Variants in SOCS5 observed in about 807,000 individuals in gnomAD.
The protein encoded by SOCS5 is CIS-6.
In SOCS5, 32 loss-of-function variants were observed where a neutral mutation model predicts 42.8. The observed-to-expected ratio is 0.75, with a 90% CI of 0.56 to 1.01. SOCS5 has a LOEUF of 1.01. Among genes scored for constraint, SOCS5 ranks in the 50% least tolerant of loss-of-function variants. The pLI, the probability that SOCS5 is intolerant of heterozygous loss-of-function variation, is 0.00. For synonymous variants in SOCS5, 283 were observed against 229.6 expected, an observed-to-expected ratio of 1.23 and a Z score of -2.10; for missense variants, 627 against 653.0, an observed-to-expected ratio of 0.96 and a Z score of 0.43.
intron 1 of SOCS5, among the ~76,000 whole-genome samples, chr2:46,712,404 C>T (rs1267081384): frequency 8.6e-5 from 11 of 128,388 alleles, no homozygotes; most frequent in South Asian, 2.6e-4. Flanking sequence ...AGTGCAGTGG[C>T]GCTATCTTGG....
chr2:46,746,160 A>G (rs1172967846), intron 1 of SOCS5, among the ~76,000 whole-genome samples: 2 of 152,114 alleles, frequency 1.3e-5, no homozygotes, highest in Non-Finnish European at 2.9e-5. Context: ...TGATTCATCC[A>G]TGCAAATGAT....
At chr2:46,749,633 G>A (rs1673581517) in intron 1 of SOCS5, among the ~76,000 whole-genome samples, 1 of 152,094 alleles carries the variant, frequency 6.6e-6, no homozygotes. Flanking sequence ...TTAAATTGTG[G>A]TAGTGTTTTA....
At chr2:46,752,539 G>A (rs1457739297) in intron 1 of SOCS5, among the ~76,000 whole-genome samples, 5 of 151,762 alleles carry the variant, frequency 3.3e-5, no homozygotes, top group Non-Finnish European at 5.9e-5. Flanking sequence ...ATATTTGGGG[G>A]TTTGCTTGTT....
chr2:46,716,791 C>T (rs2103705960), intron 1 of SOCS5, among the ~76,000 whole-genome samples: 1 of 152,282 alleles, frequency 6.6e-6, no homozygotes. Context: ...TATGAATCAA[C>T]TTGAACTTTC....
chr2:46,712,695 T>G (rs1672654335), intron 1 of SOCS5, among the ~76,000 whole-genome samples: 1 of 152,242 alleles, frequency 6.6e-6, no homozygotes. Context: ...TATGTGGTAT[T>G]TCTTCTTTAT....
At chr2:46,703,481 A>G (rs1232366419) in intron 1 of SOCS5, among the ~76,000 whole-genome samples, 3 of 152,174 alleles carry the variant, frequency 2.0e-5, no homozygotes, top group Non-Finnish European at 4.4e-5. Context: ...TATTGCATTC[A>G]TGACATACTT....
At chr2:46,741,671 C>T (rs1045045595) in intron 1 of SOCS5, among the ~76,000 whole-genome samples, 25 of 151,978 alleles carry the variant, frequency 1.6e-4, no homozygotes, top group African/African-American at 6.0e-4. Flanking sequence ...ATTTTATAAC[C>T]ATTTTTATTT....
chr2:46,738,296 T>C (rs1305534015), intron 1 of SOCS5, among the ~76,000 whole-genome samples: 1 of 151,954 alleles, frequency 6.6e-6, no homozygotes, highest in Non-Finnish European at 1.5e-5. Flanking sequence ...AATCTAGGAA[T>C]GAGACAAAAA....
upstream of SOCS5, chr2:46,699,011 C>G (rs1173882104): frequency 6.6e-6 from 1 of 152,490 alleles, no homozygotes; most frequent in Non-Finnish European, 1.5e-5. The surrounding 1 kb of genome is among the most constrained non-coding windows in gnomAD (Gnocchi z 4.8). Flanking sequence ...GGGCCGCCCC[C>G]GTCTCGCGCC....
At position 46,758,539 on chromosome 2, in the gene SOCS5, A is replaced by G; in HGVS notation, c.9A>G (p.Lys3=). MD[K]VGKMWNNFKY... ...TTTAGATTTTATAATCAATGGATAAAGTGGGAAAAATGTGGAATAACTTCA... is the reference window on the plus strand; with the variant it reads ...TTTAGATTTTATAATCAATGGATAAGGTGGGAAAAATGTGGAATAACTTCA... Residue 3 remains lysine (K), a synonymous_variant, in exon 2 of 2, where the codon AAA becomes AAG. Coordinates refer to ENST00000394861, the MANE Select transcript of SOCS5 (RefSeq NM_144949.3). 6.3e-7 allele frequency: 1 copy of G among 1,585,358 alleles called. No individual in the cohort carries two copies. Among genetic ancestry groups the G allele is most frequent in the South Asian group, 1.2e-5 (1 of 85,592 alleles).
rs553593947 is a variant in SOCS5 at position 46,748,328 on chromosome 2, G to A, written c.-12-10191G>A. On this transcript the variant is annotated intron_variant, in intron 1 of 1. Coordinates refer to ENST00000394861, the MANE Select transcript of SOCS5 (RefSeq NM_144949.3). ...AGCCTCATGAGTCGCTGGGACCACA[G>A]ATGCATGCCACTTGGCCTGGCTAAT... Among the ~76,000 whole-genome samples, 6 of 151,934 alleles carry A rather than the reference G, an allele frequency of 3.9e-5. No homozygotes were observed. In the South Asian group the frequency reaches 1.0e-3, roughly 26 times the overall value.
intron 1 of SOCS5, among the ~76,000 whole-genome samples, chr2:46,745,368 G>C (rs1327612171): frequency 6.6e-6 from 1 of 152,096 alleles, no homozygotes; most frequent in East Asian, 1.9e-4. Context: ...GCATTTCTTT[G>C]ATTACATATT....
At chr2:46,732,757 C>G (rs907929513) in intron 1 of SOCS5, among the ~76,000 whole-genome samples, 1 of 152,072 alleles carries the variant, frequency 6.6e-6, no homozygotes, top group East Asian at 1.9e-4. Context: ...TAGGCTTGAC[C>G]CCTTTGAGAA....
Position 46,759,816 on chromosome 2 carries a change from G to A in SOCS5, c.1286G>A (p.Arg429Gln). 1.9e-6 allele frequency: 3 copies of A among 1,614,116 alleles called. No homozygotes were observed. The highest frequency in any genetic ancestry group is 2.5e-6 in the Non-Finnish European group (3 of 1,180,024). The change falls in exon 2 of 2, where the codon CGA (arginine) becomes CAA (glutamine). Residue 429 changes from arginine (R) to glutamine (Q), a missense_variant. Around this residue, in one of 3 missense-constraint regions of SOCS5, gnomAD observed 340 missense variants for 367.6 expected, o/e 0.92. Coordinates refer to ENST00000394861, the MANE Select transcript of SOCS5 (RefSeq NM_144949.3). The part of the protein sequence containing the change: ...FRRYNRSLHA[R>Q]IEQWNHNFSF... ...CGCTACAACAGATCCCTGCATGCCCGAATTGAGCAGTGGAATCACAACTTT... is the reference window on the plus strand; with the variant it reads ...CGCTACAACAGATCCCTGCATGCCCAAATTGAGCAGTGGAATCACAACTTT...
At chr2:46,711,565 G>A (rs915350584) in intron 1 of SOCS5, among the ~76,000 whole-genome samples, 5 of 152,110 alleles carry the variant, frequency 3.3e-5, no homozygotes, top group African/African-American at 9.7e-5. Context: ...CCAGTCTGTG[G>A]CTTGACTGTT....
At chr2:46,702,954 T>A (rs1672376144) in intron 1 of SOCS5, among the ~76,000 whole-genome samples, 1 of 152,218 alleles carries the variant, frequency 6.6e-6, no homozygotes. Context: ...CCTTTCAACT[T>A]TGATTCTCAT....
In SOCS5 at chr2:46,761,856, C is replaced by T. The variant is rs977747622; in HGVS notation, c.*1715C>T. On this transcript the variant is annotated 3_prime_UTR_variant, in exon 2 of 2. Coordinates refer to ENST00000394861, the MANE Select transcript of SOCS5 (RefSeq NM_144949.3). ...AATTACTGTACAGTTTAGGTTATAA[C>T]AGAAAACTGACAGAGAAGTAATAAA... The T allele has an allele frequency of 3.0e-5, 5 of 166,778 alleles. No individual in the cohort carries two copies. The highest frequency in any genetic ancestry group is 2.4e-5 in the African/African-American group (1 of 41,424). The allele number at this position is 166,778 out of a possible 1,614,324, so 10.3% of individuals were successfully genotyped here.
At chr2:46,750,409 A>T (rs890877776) in intron 1 of SOCS5, among the ~76,000 whole-genome samples, 3 of 152,104 alleles carry the variant, frequency 2.0e-5, no homozygotes, top group African/African-American at 7.2e-5. Context: ...TTTGGAGAGT[A>T]GGATTGCAGG....
chr2:46,759,084 T>G lies in SOCS5; in HGVS notation c.554T>G (p.Val185Gly). Reference sequence around the variant, plus strand: ...CTAAGACAGAGGTTGCAGGATACTGTGGGCTTGTGTTTTCCCATGAGAACT... The same window carrying G: ...CTAAGACAGAGGTTGCAGGATACTGGGGGCTTGTGTTTTCCCATGAGAACT... Reference protein sequence around the residue: ...RSLRQRLQDTVGLCFPMRTYS... With the variant: ...RSLRQRLQDTGGLCFPMRTYS... The change falls in exon 2 of 2, where the codon GTG (valine) becomes GGG (glycine). Residue 185 changes from valine (V) to glycine (G), a missense_variant. Around this residue, in one of 3 missense-constraint regions of SOCS5, gnomAD observed 278 missense variants for 246.3 expected, o/e 1.13. Transcript: ENST00000394861. 6.2e-7 allele frequency: 1 copy of G among 1,613,980 alleles called. No individual in the cohort carries two copies. The highest frequency in any genetic ancestry group is 2.2e-5 in the East Asian group (1 of 44,872).
Sources: allele counts gnomAD v4.1 joint callset (sites outside exome capture counted in the v4.1 genomes callset), GRCh38; gene constraint gnomAD v4.1.1; regional missense constraint gnomAD v4.1.1; non-coding constraint Gnocchi (gnomAD v3.1); transcripts MANE v1.5; gene names NCBI Gene and HGNC (gene_info 2026-07-23, HGNC 2026-07-21).